INTS3: variants seen among roughly 807,000 people sequenced by gnomAD.
INTS3 encodes SOSS complex subunit A.
Under a neutral mutation model 146.3 loss-of-function variants are expected in INTS3, and 34 were observed. The ratio of observed to expected loss-of-function variants is 0.23; its 90% confidence interval spans 0.18 to 0.31. The LOEUF is 0.31. INTS3 is among the 10% of genes least tolerant of loss of function. The pLI, the probability that INTS3 is intolerant of heterozygous loss-of-function variation, is 1.00. For missense variants in INTS3, 757 were observed against 1,304.2 expected (o/e 0.58, Z 6.46); for synonymous variants, 475 against 494.9 (o/e 0.96, Z 0.53).
intron 3 of INTS3, among the ~76,000 whole-genome samples, chr1:153,745,234 G>T (rs1671682930): frequency 6.7e-6 from 1 of 148,512 alleles, no homozygotes; most frequent in Non-Finnish European, 1.5e-5. Context: ...TTGGCTAACT[G>T]CAACCTCCAC....
rs750120285 is a variant in INTS3 at position 153,746,951 on chromosome 1, TCA to T, written c.319-3_319-2del. The T allele has an allele frequency of 3.7e-6, 6 of 1,601,046 alleles. No homozygotes were observed. The highest frequency in any genetic ancestry group is 1.7e-5 in the Admixed American group (1 of 59,848). On this transcript the variant is annotated splice_region_variant and splice_polypyrimidine_tract_variant and intron_variant, in intron 3 of 29. Transcript: ENST00000318967. ...GCTGGCTGATCACAAACTTTACTTC[TCA>T]CAGTGTTACCGGGACTTAGCTCTGG...
At chr1:153,746,912 CTTA>C (rs1295910252) in intron 3 of INTS3, 42 bp from the exon 4 acceptor site, 15 of 1,331,698 alleles carry the variant, frequency 1.1e-5, no homozygotes, top group Non-Finnish European at 1.4e-5. Flanking sequence ...GGGTGAGGAC[CTTA>C]TCCTCAGCTT....
chr1:153,739,734 G>T (rs555191058), intron 1 of INTS3, among the ~76,000 whole-genome samples: 4 of 152,270 alleles, frequency 2.6e-5, no homozygotes, highest in Admixed American at 2.0e-4. Flanking sequence ...CTCCCAAAGT[G>T]CTGGGATTAC....
chr1:153,763,753 T>C (rs1324423398), intron 16 of INTS3, 79 bp from the exon 17 acceptor site: 3 of 1,206,518 alleles, frequency 2.5e-6, no homozygotes, highest in Non-Finnish European at 2.4e-6. Context: ...TGAGTGTGCT[T>C]GTGCACTGTT....
chr1:153,743,207 T>C (rs1472209912), intron 3 of INTS3, among the ~76,000 whole-genome samples: 1 of 152,238 alleles, frequency 6.6e-6, no homozygotes, highest in African/African-American at 2.4e-5. Flanking sequence ...TGAGGACTGA[T>C]TGTAATGCAT....
chr1:153,757,512 C>T lies in INTS3; in HGVS notation c.958-60C>T. On this transcript the variant is annotated intron_variant, in intron 9 of 29. Coordinates refer to ENST00000318967, the MANE Select transcript of INTS3 (RefSeq NM_023015.5). The surrounding 1 kb of genome is among the most constrained non-coding windows in gnomAD (Gnocchi z 4.0). ...CTAGAGTTAAGTGGTGCTCGTTTTCCTCTGGCCAAGGACCCCACACTGTCT... is the reference window on the plus strand; with the variant it reads ...CTAGAGTTAAGTGGTGCTCGTTTTCTTCTGGCCAAGGACCCCACACTGTCT... The T allele has an allele frequency of 6.7e-7, 1 of 1,490,866 alleles. No individual in the cohort carries two copies. The highest frequency in any genetic ancestry group is 9.3e-7 in the Non-Finnish European group (1 of 1,080,398). The allele number at this position is 1,490,866 out of a possible 1,614,324, so 92.4% of individuals were successfully genotyped here.
intron 21 of INTS3, 84 bp downstream of exon 21, chr1:153,767,911 C>G (rs750183702): frequency 3.6e-6 from 5 of 1,372,970 alleles, no homozygotes; most frequent in African/African-American, 2.9e-5. Flanking sequence ...AACCCTGAAC[C>G]CTCTTTTGTT....
At chr1:153,762,049 A>C (rs1009325851) in intron 14 of INTS3, among the ~76,000 whole-genome samples, 7 of 152,242 alleles carry the variant, frequency 4.6e-5, no homozygotes, top group Non-Finnish European at 7.3e-5. Flanking sequence ...GTTGGGCCTC[A>C]AACCTTACTC....
At chr1:153,732,053 A>G (rs1671088784) in intron 1 of INTS3, among the ~76,000 whole-genome samples, 2 of 151,146 alleles carry the variant, frequency 1.3e-5, no homozygotes, top group Admixed American at 6.6e-5. Context: ...GATTACAGGC[A>G]CTACCACTCC....
intron 22 of INTS3, 21 bp downstream of exon 22, chr1:153,768,982 TC>T: frequency 6.3e-7 from 1 of 1,599,514 alleles, no homozygotes; most frequent in Non-Finnish European, 8.6e-7. Context: ...AGCTCTGACC[TC>T]CCCAGAAGAT....
At chr1:153,759,093 G>A (rs1341123345) in intron 10 of INTS3, among the ~76,000 whole-genome samples, 1 of 151,936 alleles carries the variant, frequency 6.6e-6, no homozygotes, top group Non-Finnish European at 1.5e-5. Context: ...CTCCAGCCTG[G>A]GTGACATGGC....
intron 7 of INTS3, among the ~76,000 whole-genome samples, 181 bp downstream of exon 7, chr1:153,751,420 C>G (rs543117839): frequency 1.3e-5 from 2 of 152,218 alleles, no homozygotes; most frequent in South Asian, 4.2e-4. Flanking sequence ...TAAAATAGCC[C>G]TAATTCCTAG....
At position 153,728,054 on chromosome 1, in the gene INTS3, T is replaced by A; in HGVS notation, c.-581T>A. 1 of 72,576 alleles carries A rather than the reference T, an allele frequency of 1.4e-5. No homozygotes were observed. The highest frequency in any genetic ancestry group is 2.6e-5 in the Non-Finnish European group (1 of 38,672). 4.5% of individuals were successfully genotyped at this position (72,576 alleles called of 1,614,324 possible). A position where few individuals can be genotyped will look rare whatever the true frequency, so the allele number is the denominator to read the frequency against. ...TCTCCCCCTCCCCCGCCCTCCGCCTTCCCACCCCCCGCCCTTCCACTATGG... is the reference window on the plus strand; with the variant it reads ...TCTCCCCCTCCCCCGCCCTCCGCCTACCCACCCCCCGCCCTTCCACTATGG... On this transcript the variant is annotated 5_prime_UTR_variant, in exon 1 of 30. Coordinates refer to ENST00000318967, the MANE Select transcript of INTS3 (RefSeq NM_023015.5).
chr1:153,756,994 GA>G (rs1558001473), intron 9 of INTS3, among the ~76,000 whole-genome samples: 1 of 152,098 alleles, frequency 6.6e-6, no homozygotes, highest in East Asian at 1.9e-4. Flanking sequence ...ACAGTTGGGG[GA>G]ATATAAGAAG....
intron 5 of INTS3, chr1:153,748,445 A>T: frequency 1.8e-6 from 1 of 546,044 alleles, no homozygotes; most frequent in South Asian, 2.0e-5. Context: ...ACTCCAACTC[A>T]CAATCTGTGG....
chr1:153,761,510 C>CA (rs375434834), intron 13 of INTS3, 60 bp from the exon 14 acceptor site: 1,913 of 1,226,864 alleles, frequency 1.6e-3, no homozygotes, highest in Middle Eastern at 5.3e-3. Context: ...CACTCTGTCT[C>CA]AAAAAAAAAT....
Position 153,764,205 on chromosome 1 carries a change from GA to G in INTS3, c.1910del (p.Glu637GlyfsTer12), listed in dbSNP as rs1221538251. The stretch of plus-strand genomic sequence containing the variant: ...CCACTTTCGAGGGGAGGTCCTGCCT[GA>G]GGAGATTACTGAGGAGTAAGGCTGA... The part of the protein sequence containing the change: ...KAHFRGEVLP[E>X]EITEESLEES... On this transcript the variant is annotated frameshift_variant, in exon 18 of 30. Transcript: ENST00000318967. LOFTEE classifies it high-confidence loss of function. The G allele has an allele frequency of 6.2e-7, 1 of 1,613,098 alleles. No homozygotes were observed. Among genetic ancestry groups the G allele is most frequent in the Non-Finnish European group, 8.5e-7 (1 of 1,179,096 alleles).
rs768687632 is a variant in INTS3 at position 153,761,687 on chromosome 1, C to T, written c.1516+11C>T. 17 of 1,581,754 alleles carry T rather than the reference C, an allele frequency of 1.1e-5. No homozygotes were observed. The highest frequency in any genetic ancestry group is 6.7e-5 in the African/African-American group (5 of 74,270). On this transcript the variant is annotated intron_variant, in intron 14 of 29. Coordinates refer to ENST00000318967, the MANE Select transcript of INTS3 (RefSeq NM_023015.5). ...CCCCACCTGTGGAAGGTATGAGGCC[C>T]GCCCATTCCATCACCTGTGTCAAAA...
At chr1:153,767,549 T>C (rs1037873591) in intron 20 of INTS3, 125 bp from the exon 21 acceptor site, 1 of 918,400 alleles carries the variant, frequency 1.1e-6, no homozygotes, top group Non-Finnish European at 1.5e-6. Flanking sequence ...GGGAGGGACA[T>C]GAGGCAGATT....
Sources: gnomAD v4.1 joint callset for allele counts (sites outside exome capture counted in the v4.1 genomes callset) on GRCh38, gnomAD v4.1.1 for gene constraint, Gnocchi (gnomAD v3.1) non-coding constraint, MANE v1.5 for transcripts, NCBI Gene and HGNC (gene_info 2026-07-23, HGNC 2026-07-21) for gene names.